CDH4: variants seen among roughly 807,000 people sequenced by gnomAD.
CDH4 encodes cadherin 4.
Under a neutral mutation model 86.0 loss-of-function variants are expected in CDH4, and 33 were observed. The ratio of observed to expected loss-of-function variants is 0.38; its 90% confidence interval spans 0.29 to 0.51. The LOEUF (loss-of-function observed/expected upper bound fraction) is 0.51, where lower values mean the gene tolerates loss of function less well. Among genes scored for constraint, CDH4 ranks in the 20% least tolerant of loss-of-function variants. The probability of loss-of-function intolerance (pLI) is 0.86; values close to 1 mark genes in which losing one functional copy is unlikely to be tolerated. For missense variants in CDH4, 1,114 were observed against 1,307.4 expected (o/e 0.85, Z 2.28); for synonymous variants, 555 against 549.4 (o/e 1.01, Z -0.14).
chr20:61,252,355 A>AGCGCGGCGG lies in CDH4; in HGVS notation c.-154_-146dup. ...CCTGGCTCCCGGAGCCGGGGCGGCG[A>AGCGCGGCGG]GCGCGGCGGGCGCAGCGGGGCTGGA... On this transcript the variant is annotated 5_prime_UTR_variant, in exon 1 of 16. Transcript: ENST00000614565. This position sits in a 1 kb window ranked among gnomAD's most constrained non-coding sequence, Gnocchi z 4.4. 5.6e-6 allele frequency: 1 copy of AGCGCGGCGG among 179,300 alleles called. No homozygotes were observed. Among genetic ancestry groups the AGCGCGGCGG allele is most frequent in the Non-Finnish European group, 1.0e-5 (1 of 97,970 alleles). 11.1% of individuals were successfully genotyped at this position (179,300 alleles called of 1,614,324 possible). A position where few individuals can be genotyped will look rare whatever the true frequency, so the allele number is the denominator to read the frequency against.
chr20:61,368,871 T>A (rs1323587129), intron 2 of CDH4, among the ~76,000 whole-genome samples: 3 of 152,174 alleles, frequency 2.0e-5, no homozygotes, highest in Non-Finnish European at 4.4e-5. Flanking sequence ...CTTAACGAAG[T>A]AATCAAAATT....
At chr20:61,741,553 G>A (rs551833421) in intron 2 of CDH4, among the ~76,000 whole-genome samples, 13 of 151,862 alleles carry the variant, frequency 8.6e-5, no homozygotes, top group South Asian at 2.1e-4. Context: ...GTGCCATGGC[G>A]TGATCTCGGC....
chr20:61,622,779 C>T (rs1338599955), intron 2 of CDH4, among the ~76,000 whole-genome samples: 3 of 152,216 alleles, frequency 2.0e-5, no homozygotes, highest in Admixed American at 6.5e-5. Flanking sequence ...CAGTAGCACC[C>T]ACCCTGCCCA....
intron 2 of CDH4, among the ~76,000 whole-genome samples, chr20:61,317,844 G>A (rs1015971036): frequency 3.9e-5 from 6 of 152,208 alleles, no homozygotes; most frequent in Non-Finnish European, 8.8e-5. Flanking sequence ...GGGTGAATTT[G>A]CACGAGTTTC....
chr20:61,448,426 C>T lies in CDH4; in HGVS notation c.169+193489C>T, dbSNP rs531886430. On this transcript the variant is annotated intron_variant, in intron 2 of 15. Coordinates refer to ENST00000614565, the MANE Select transcript of CDH4 (RefSeq NM_001794.5). ...GTCGTTTGATGTTGTTTGCTACTCG[C>T]ACCCAACAGAGTACGGTTAATCATA... 1.3e-4 allele frequency among the ~76,000 whole-genome samples: 20 copies of T among 152,350 alleles called. No homozygotes were observed. The South Asian group carries it at 4.1e-3, about 32-fold the overall frequency.
rs139301463 is a variant in CDH4 at position 61,888,176 on chromosome 20, C to T, written c.1051-6734C>T. ...TGCAGCCACATCCCTGCAGAGCCGC[C>T]GCCACTGCCGGTACACACAGATGGG... is the stretch of plus-strand genomic sequence containing the variant. On this transcript the variant is annotated intron_variant, in intron 7 of 15. Transcript: ENST00000614565. Among the ~76,000 whole-genome samples the T allele has an allele frequency of 1.4e-4, 22 of 152,314 alleles. No homozygotes were observed. In the East Asian group the frequency reaches 3.5e-3, roughly 24 times the overall value.
intron 10 of CDH4, 51 bp downstream of exon 10, chr20:61,923,755 T>C (rs1440703707): frequency 6.3e-7 from 1 of 1,584,722 alleles, no homozygotes; most frequent in Admixed American, 1.7e-5. Flanking sequence ...CCAGGTTCCA[T>C]ACAGAAGGGT....
At chr20:61,609,613 A>G (rs1055545943) in intron 2 of CDH4, among the ~76,000 whole-genome samples, 2 of 152,148 alleles carry the variant, frequency 1.3e-5, no homozygotes, top group African/African-American at 2.4e-5. Flanking sequence ...GGGAAATTCC[A>G]GGAGATGTCA....
At chr20:61,296,174 A>G (rs1389900973) in intron 2 of CDH4, among the ~76,000 whole-genome samples, 1 of 151,546 alleles carries the variant, frequency 6.6e-6, no homozygotes, top group Non-Finnish European at 1.5e-5. Context: ...TTGTCGAAAT[A>G]AGTATGAGTG....
At chr20:61,452,244 G>A (rs890730731) in intron 2 of CDH4, among the ~76,000 whole-genome samples, 1 of 152,094 alleles carries the variant, frequency 6.6e-6, no homozygotes, top group African/African-American at 2.4e-5. Context: ...AGGTGTCTTT[G>A]GAATTAATCT....
intron 2 of CDH4, among the ~76,000 whole-genome samples, chr20:61,432,931 C>T (rs1009031706): frequency 1.3e-5 from 2 of 150,504 alleles, no homozygotes; most frequent in African/African-American, 4.9e-5. Context: ...CTCTGCCTCC[C>T]GGGTTCCAGC....
chr20:61,441,724 T>C (rs1328084162), intron 2 of CDH4, among the ~76,000 whole-genome samples: 1 of 152,170 alleles, frequency 6.6e-6, no homozygotes, highest in Admixed American at 6.5e-5. Flanking sequence ...AGACACCAAA[T>C]CTGCTGACAC....
At chr20:61,666,381 C>T (rs1433100654) in intron 2 of CDH4, among the ~76,000 whole-genome samples, 5 of 152,214 alleles carry the variant, frequency 3.3e-5, no homozygotes, top group South Asian at 2.1e-4. Flanking sequence ...AGGGCCACTG[C>T]GTCCCTGCAG....
chr20:61,717,873 C>T (rs1461114611), intron 2 of CDH4: 1 of 152,316 alleles, frequency 6.6e-6, no homozygotes, highest in East Asian at 1.9e-4. Context: ...AGGTGTTGGG[C>T]TAGTTTAGTG....
chr20:61,764,981 T>C (rs1347484863), intron 3 of CDH4, among the ~76,000 whole-genome samples: 1 of 152,162 alleles, frequency 6.6e-6, no homozygotes, highest in African/African-American at 2.4e-5. Flanking sequence ...TAGGGCTTAA[T>C]GGGGAGAGGC....
chr20:61,257,149 A>G (rs1469870006), intron 2 of CDH4, among the ~76,000 whole-genome samples: 1 of 152,180 alleles, frequency 6.6e-6, no homozygotes, highest in Non-Finnish European at 1.5e-5. Flanking sequence ...CCTTAATTTG[A>G]CGAGTGAAGC....
chr20:61,368,981 G>T lies in CDH4; in HGVS notation c.169+114044G>T, dbSNP rs76872180. ...TTTGTGATATATCCCTGAAAATCCC[G>T]AATCTAATCATGAGAAAACATCAGA... On this transcript the variant is annotated intron_variant, in intron 2 of 15. Coordinates refer to ENST00000614565, the MANE Select transcript of CDH4 (RefSeq NM_001794.5). 9.2e-5 allele frequency among the ~76,000 whole-genome samples: 14 copies of T among 152,222 alleles called. No homozygotes were observed. In the South Asian group the frequency reaches 1.7e-3, roughly 18 times the overall value.
chr20:61,418,277 C>A (rs1007489031), intron 2 of CDH4, among the ~76,000 whole-genome samples: 2 of 150,154 alleles, frequency 1.3e-5, no homozygotes, highest in African/African-American at 2.5e-5. Flanking sequence ...GTGGCACCAT[C>A]TCGGCTCACT....
intron 6 of CDH4, among the ~76,000 whole-genome samples, chr20:61,865,701 GT>G (rs1247778405): frequency 4.6e-5 from 7 of 152,112 alleles, no homozygotes; most frequent in Admixed American, 3.9e-4. Flanking sequence ...GCTGGTTTGT[GT>G]ATGTAATGGG....
Sources: allele counts gnomAD v4.1 joint callset (sites outside exome capture counted in the v4.1 genomes callset), GRCh38; gene constraint gnomAD v4.1.1; non-coding constraint Gnocchi (gnomAD v3.1); transcripts MANE v1.5; gene names NCBI Gene and HGNC (gene_info 2026-07-23, HGNC 2026-07-21).